CALCR: variants seen among roughly 807,000 people sequenced by gnomAD.
The protein encoded by CALCR is calcitonin receptor.
In CALCR, 47 loss-of-function variants were observed where a neutral mutation model predicts 59.5. That is an observed-to-expected ratio of 0.79 (90% CI 0.63 to 1.01). The LOEUF is 1.01. Among genes scored for constraint, CALCR ranks in the 50% least tolerant of loss-of-function variants. The pLI is 0.00. For synonymous variants in CALCR, 213 were observed against 211.3 expected (o/e 1.01, Z -0.07); for missense variants, 566 against 597.1 (o/e 0.95, Z 0.54).
At chr7:93,442,299 A>G (rs897739936) in intron 9 of CALCR, among the ~76,000 whole-genome samples, 1 of 152,152 alleles carries the variant, frequency 6.6e-6, no homozygotes, top group Non-Finnish European at 1.5e-5. Context: ...CAACCAAATA[A>G]TTGTAGCATC....
At chr7:93,548,527 A>C (rs2116216882) in intron 2 of CALCR, among the ~76,000 whole-genome samples, 1 of 152,300 alleles carries the variant, frequency 6.6e-6, no homozygotes, top group East Asian at 1.9e-4. Flanking sequence ...AATTTCACCT[A>C]CTTTTAAATA....
At chr7:93,532,270 G>T (rs947516544) in intron 2 of CALCR, among the ~76,000 whole-genome samples, 1 of 151,988 alleles carries the variant, frequency 6.6e-6, no homozygotes, top group Non-Finnish European at 1.5e-5. Context: ...TCTATCTTCA[G>T]TATATCTGGT....
In CALCR at chr7:93,438,084, A is replaced by C; in HGVS notation, c.906T>G (p.His302Gln). 6.2e-7 allele frequency: 1 copy of C among 1,613,964 alleles called. No individual in the cohort carries two copies. Among genetic ancestry groups the C allele is most frequent in the Non-Finnish European group, 8.5e-7 (1 of 1,179,856 alleles). The change falls in exon 11 of 14, where the codon CAT becomes CAG. Residue 302 changes from histidine (H) to glutamine (Q), a missense_variant. Coordinates refer to ENST00000426151, the MANE Select transcript of CALCR (RefSeq NM_001742.4). ...SVETHLLYII[H>Q]GPVMAALVVN... Reference sequence around the variant, plus strand: ...CCACAAGTGCCGCCATGACAGGTCCATGGATTATGTAAAGCAAATGGGTTT... The same window carrying C: ...CCACAAGTGCCGCCATGACAGGTCCCTGGATTATGTAAAGCAAATGGGTTT...
In CALCR at chr7:93,428,463, A is replaced by G. The variant is rs116255440; in HGVS notation, c.1192-1874T>C. Among the ~76,000 whole-genome samples, 1,064 of 152,338 alleles carry G rather than the reference A, an allele frequency of 7.0e-3. 9 individuals carry two copies. The highest frequency in any genetic ancestry group is 0.024 in the African/African-American group (997 of 41,564). On this transcript the variant is annotated intron_variant, in intron 13 of 13. Transcript: ENST00000426151. ...ATGCCCCATTGAGAAACTGGGAAAT[A>G]TACAGGTTCAGCACATTTTTGGAGA...
intron 2 of CALCR, among the ~76,000 whole-genome samples, chr7:93,548,246 T>C (rs1789345160): frequency 6.6e-6 from 1 of 152,206 alleles, no homozygotes; most frequent in Non-Finnish European, 1.5e-5. Flanking sequence ...TCATCTTGGA[T>C]AGAGCATCTT....
At position 93,426,236 on chromosome 7, in the gene CALCR, T is replaced by G. The variant is rs1032423699; in HGVS notation, c.*120A>C. 1.5e-6 allele frequency: 1 copy of G among 659,118 alleles called. No homozygotes were observed. Among genetic ancestry groups the G allele is most frequent in the Non-Finnish European group, 2.7e-6 (1 of 369,060 alleles). The allele number at this position is 659,118 out of a possible 1,614,324, so 40.8% of individuals were successfully genotyped here. Reference sequence around the variant, plus strand: ...TCAGATTTACAATGGACAAATTCACTGAATAATTCTTCACAAATGATATGT... The same window carrying G: ...TCAGATTTACAATGGACAAATTCACGGAATAATTCTTCACAAATGATATGT... On this transcript the variant is annotated 3_prime_UTR_variant, in exon 14 of 14. Transcript: ENST00000426151.
chr7:93,485,192 G>A (rs1434774328), intron 3 of CALCR, among the ~76,000 whole-genome samples: 1 of 151,594 alleles, frequency 6.6e-6, no homozygotes, highest in African/African-American at 2.4e-5. Flanking sequence ...AATACAGAGA[G>A]AGAAGCAAAT....
intron 2 of CALCR, among the ~76,000 whole-genome samples, chr7:93,508,970 G>A (rs1483372727): frequency 6.6e-6 from 1 of 151,940 alleles, no homozygotes; most frequent in Non-Finnish European, 1.5e-5. Context: ...TCCTACTCCC[G>A]CACTAAAACT....
intron 7 of CALCR, among the ~76,000 whole-genome samples, chr7:93,465,283 T>C (rs1186646651): frequency 6.6e-6 from 1 of 151,942 alleles, no homozygotes; most frequent in Non-Finnish European, 1.5e-5. Flanking sequence ...CTGAAAATGG[T>C]CAAGAATCAA....
chr7:93,452,740 CT>C (rs1288218201), intron 8 of CALCR, among the ~76,000 whole-genome samples: 1 of 151,818 alleles, frequency 6.6e-6, no homozygotes, highest in Non-Finnish European at 1.5e-5. Context: ...GGAGATGATC[CT>C]GAAATTGGCA....
chr7:93,552,492 T>C (rs1407149537), intron 2 of CALCR, among the ~76,000 whole-genome samples: 1 of 152,186 alleles, frequency 6.6e-6, no homozygotes. Context: ...CAACTAAAAC[T>C]AAGGTTAAAT....
intron 7 of CALCR, among the ~76,000 whole-genome samples, chr7:93,467,727 A>G (rs1800469642): frequency 6.6e-6 from 1 of 151,478 alleles, no homozygotes; most frequent in African/African-American, 2.4e-5. Flanking sequence ...AGTGTGGATG[A>G]TTGTTGGTCA....
chr7:93,444,918 A>G (rs1192415899), intron 8 of CALCR, among the ~76,000 whole-genome samples: 1 of 152,092 alleles, frequency 6.6e-6, no homozygotes, highest in East Asian at 1.9e-4. Context: ...TACTGTAGCA[A>G]CCTTTTCCGA....
chr7:93,491,937 A>G (rs1745809717), intron 2 of CALCR, among the ~76,000 whole-genome samples: 1 of 151,944 alleles, frequency 6.6e-6, no homozygotes, highest in South Asian at 2.1e-4. Context: ...TTCAACTATA[A>G]AGACACATGC....
At chr7:93,558,726 G>C (rs1351392301) in intron 2 of CALCR, among the ~76,000 whole-genome samples, 1 of 152,110 alleles carries the variant, frequency 6.6e-6, no homozygotes. Flanking sequence ...AACATGGGTA[G>C]TGATGAAGCA....
In CALCR at chr7:93,481,269, G is replaced by C. The variant is rs79084283; in HGVS notation, c.52-1762C>G. On this transcript the variant is annotated intron_variant, in intron 3 of 13. Transcript: ENST00000426151. Reference sequence around the variant, plus strand: ...TTTTGATCAGTGAAGGTTGTGAAAGGAGAATTTTTAGTAAAATTCATGCAG... The same window carrying C: ...TTTTGATCAGTGAAGGTTGTGAAAGCAGAATTTTTAGTAAAATTCATGCAG... Among the ~76,000 whole-genome samples, 292 of 151,768 alleles carry C rather than the reference G, an allele frequency of 1.9e-3. 4 individuals carry two copies. Among genetic ancestry groups the C allele is most frequent in the African/African-American group, 6.6e-3 (274 of 41,458 alleles).
rs1381141321 is a variant in CALCR, at chr7:93,472,400, T to C, written c.404A>G (p.Asn135Ser). The change falls in exon 6 of 14, where the codon AAT becomes AGT. Residue 135 changes from asparagine (N) to serine (S), a missense_variant. By Grantham distance (46) the Asn-to-Ser change is conservative. Transcript: ENST00000426151. ...CTTCAGTTTCTCAGGAGTGAAAGCA[T>C]TGCACATAGTATAGTTGGACCAGGT... ...NRTWSNYTMCNAFTPEKLKNA... is the reference protein window; with the variant it reads ...NRTWSNYTMCSAFTPEKLKNA... The C allele has an allele frequency of 1.2e-6, 2 of 1,606,506 alleles. No individual in the cohort carries two copies. Among genetic ancestry groups the C allele is most frequent in the South Asian group, 1.1e-5 (1 of 90,544 alleles).
chr7:93,498,428 T>A (rs12112044), intron 2 of CALCR, among the ~76,000 whole-genome samples: 26,921 of 151,572 alleles, frequency 0.18, 5,850 homozygotes, highest in African/African-American at 0.51. Flanking sequence ...GGATAATTGG[T>A]TATGATCTGT....
intron 2 of CALCR, among the ~76,000 whole-genome samples, chr7:93,564,453 AC>A (rs1435221126): frequency 6.6e-6 from 1 of 151,692 alleles, no homozygotes. Context: ...CATTGATACT[AC>A]ACTTTTAAAA....
Sources: gnomAD v4.1 joint callset for allele counts (sites outside exome capture counted in the v4.1 genomes callset) on GRCh38, gnomAD v4.1.1 for gene constraint, MANE v1.5 for transcripts, NCBI Gene and HGNC (gene_info 2026-07-23, HGNC 2026-07-21) for gene names.